The following PEF1 variants were observed in gnomAD, a reference collection of about 807,000 sequenced individuals.
PEF1 encodes penta-EF-hand domain containing 1, also known as peflin.
Under a neutral mutation model 32.0 loss-of-function variants are expected in PEF1, and 17 were observed. The ratio of observed to expected loss-of-function variants is 0.53; its 90% CI spans 0.36 to 0.80. The LOEUF (loss-of-function observed/expected upper bound fraction) is 0.80, where lower values mean the gene tolerates loss of function less well. PEF1 is among the 30% of genes least tolerant of loss of function. The probability of loss-of-function intolerance (pLI) is 0.00; values close to 1 mark genes in which losing one functional copy is unlikely to be tolerated. For missense variants in PEF1, 362 were observed against 369.1 expected (o/e 0.98, Z 0.16); for synonymous variants, 130 against 139.8 (o/e 0.93, Z 0.50).
At chr1:31,635,170 G>A in intron 2 of PEF1, 52 bp downstream of exon 2, 2 of 1,591,254 alleles carry the variant, frequency 1.3e-6, no homozygotes, top group Admixed American at 1.7e-5. Context: ...GGCTGGCCAT[G>A]GATAACTCAG....
Position 31,630,785 on chromosome 1 carries a change from C to G in PEF1, c.683G>C (p.Arg228Pro). ...AGGATTGGCAGAGCGTGGGCAGTAG[C>G]GGGAGACCAGAAGCTGGGTGAACTG... ...SPQFTQLLVS[R>P]YCPRSANPAM... Residue 228 changes from arginine (R) to proline (P), a missense_variant, in exon 5 of 5, where the codon CGC (arginine) becomes CCC (proline). Arg to Pro is a moderately radical substitution (Grantham distance 103). Transcript: ENST00000373703. The G allele has an allele frequency of 6.2e-7, 1 of 1,613,630 alleles. No individual in the cohort carries two copies.
chr1:31,644,153 AC>A (rs1375064576), intron 1 of PEF1: 1 of 156,080 alleles, frequency 6.4e-6, no homozygotes, highest in African/African-American at 2.4e-5. Context: ...TCAACACCCT[AC>A]TATCACCCAA....
intron 1 of PEF1, among the ~76,000 whole-genome samples, chr1:31,643,791 G>A (rs1307898189): frequency 6.6e-6 from 1 of 152,158 alleles, no homozygotes; most frequent in Non-Finnish European, 1.5e-5. Flanking sequence ...TTTCGTTTAT[G>A]GATTTCATCT....
At chr1:31,639,706 T>C (rs1640348525) in intron 1 of PEF1, among the ~76,000 whole-genome samples, 1 of 152,210 alleles carries the variant, frequency 6.6e-6, no homozygotes, top group African/African-American at 2.4e-5. Context: ...TCTGAAGCTA[T>C]TTCAGAGATA....
rs541295519 is a variant in PEF1, at chr1:31,639,522, CAG to C, written c.25-4002_25-4001del. Among the ~76,000 whole-genome samples, 563 of 152,294 alleles carry C rather than the reference CAG, an allele frequency of 3.7e-3. 4 individuals carry two copies. The highest frequency in any genetic ancestry group is 0.013 in the African/African-American group (548 of 41,552). On this transcript the variant is annotated intron_variant, in intron 1 of 4. Coordinates refer to ENST00000373703, the MANE Select transcript of PEF1 (RefSeq NM_012392.4). ...TGTTGGGGCTTTATGCCGGAGAAAA[CAG>C]AGCACTATAGAAGGGTTTCCAATAG...
intron 1 of PEF1, among the ~76,000 whole-genome samples, chr1:31,642,516 A>G (rs532003016): frequency 1.4e-4 from 21 of 152,340 alleles, no homozygotes; most frequent in Non-Finnish European, 2.6e-4. Flanking sequence ...AATAGGCTGG[A>G]ATCCTCCAAA....
chr1:31,632,209 G>A, intron 4 of PEF1: 1 of 614,996 alleles, frequency 1.6e-6, no homozygotes, highest in Admixed American at 2.6e-5. Context: ...AGTCCTTAAG[G>A]TGCCAAGTTT....
Position 31,630,577 on chromosome 1 carries a change from G to A in PEF1, c.*36C>T. The A allele has an allele frequency of 1.3e-6, 2 of 1,583,058 alleles. No homozygotes were observed. The highest frequency in any genetic ancestry group is 2.2e-5 in the South Asian group (2 of 89,856). On this transcript the variant is annotated 3_prime_UTR_variant, in exon 5 of 5. Coordinates refer to ENST00000373703, the MANE Select transcript of PEF1 (RefSeq NM_012392.4). ...CTCTCACTCTAAGAAGCCAGGAAAG[G>A]TCCCTGGTGCACTCCACTCTCCACA...
chr1:31,632,439 GT>G (rs746628389), intron 4 of PEF1, 55 bp downstream of exon 4: 3 of 1,612,998 alleles, frequency 1.9e-6, no homozygotes. Context: ...ATCTTAGGGT[GT>G]AAAGAGAAGA....
intron 4 of PEF1, among the ~76,000 whole-genome samples, chr1:31,631,376 G>GT (rs1169389586): frequency 1.3e-5 from 2 of 152,174 alleles, no homozygotes; most frequent in Non-Finnish European, 2.9e-5. Context: ...CACAGTGACT[G>GT]GCACAGAAAA....
chr1:31,634,690 C>G (rs931240690), intron 2 of PEF1: 1 of 348,732 alleles, frequency 2.9e-6, no homozygotes, highest in Non-Finnish European at 5.7e-6. Flanking sequence ...ACTTGCTAAT[C>G]TCCCCTTCCC....
At chr1:31,641,359 T>G (rs1311294048) in intron 1 of PEF1, among the ~76,000 whole-genome samples, 2 of 152,194 alleles carry the variant, frequency 1.3e-5, no homozygotes, top group African/African-American at 4.8e-5. Context: ...CTGTCTCTCC[T>G]GCTTCAATCC....
At chr1:31,632,241 G>A (rs1640124611) in intron 4 of PEF1, 4 of 656,492 alleles carry the variant, frequency 6.1e-6, no homozygotes, top group South Asian at 5.2e-5. Context: ...GCTCCCTGTG[G>A]CTGGGGCCGT....
chr1:31,635,168 A>G (rs1207844288), intron 2 of PEF1, 54 bp downstream of exon 2: 22 of 1,589,036 alleles, frequency 1.4e-5, no homozygotes, highest in Non-Finnish European at 1.7e-5. Flanking sequence ...AAGGCTGGCC[A>G]TGGATAACTC....
chr1:31,637,894 T>C (rs1469443229), intron 1 of PEF1, among the ~76,000 whole-genome samples: 1 of 152,084 alleles, frequency 6.6e-6, no homozygotes, highest in Non-Finnish European at 1.5e-5. Context: ...ATAAAGCAAA[T>C]GATCAGTAAG....
At chr1:31,637,942 C>T (rs1336982669) in intron 1 of PEF1, among the ~76,000 whole-genome samples, 3 of 152,174 alleles carry the variant, frequency 2.0e-5, no homozygotes, top group South Asian at 4.1e-4. Flanking sequence ...CTGTTATCAG[C>T]AAAGTCCTGG....
chr1:31,635,684 C>T (rs1240418072), intron 1 of PEF1, among the ~76,000 whole-genome samples, 162 bp from the exon 2 acceptor site: 1 of 152,110 alleles, frequency 6.6e-6, no homozygotes. Flanking sequence ...ACTGAGGCTT[C>T]CAGAGGAGCA....
chr1:31,631,329 G>T (rs1463090620), intron 4 of PEF1, among the ~76,000 whole-genome samples: 1 of 152,204 alleles, frequency 6.6e-6, no homozygotes, highest in African/African-American at 2.4e-5. Context: ...GTAGGTTCTA[G>T]TAAGGATTAA....
At chr1:31,644,104 A>G (rs1392269582) in intron 1 of PEF1, 1 of 152,672 alleles carries the variant, frequency 6.5e-6, no homozygotes, top group African/African-American at 2.4e-5. Context: ...TAGGTGGTAG[A>G]GCTAAGATAT....
Sources: gnomAD v4.1 joint callset for allele counts (sites outside exome capture counted in the v4.1 genomes callset) on GRCh38, gnomAD v4.1.1 for gene constraint, MANE v1.5 for transcripts, NCBI Gene and HGNC (gene_info 2026-07-23, HGNC 2026-07-21) for gene names.